Variants in B2M observed in about 807,000 individuals in gnomAD.
B2M encodes beta-2-microglobulin.
B2M carries 3 observed loss-of-function variants against 14.5 expected under a neutral mutation model. The observed-to-expected ratio is 0.21, with a 90% CI of 0.09 to 0.53. B2M has a LOEUF of 0.53. Among genes scored for constraint, B2M ranks in the 20% least tolerant of loss-of-function variants. B2M has a pLI of 0.95. For missense variants in B2M, 107 were observed against 140.8 expected, an observed-to-expected ratio of 0.76 and a Z score of 1.21; for synonymous variants, 45 against 52.7, an observed-to-expected ratio of 0.85 and a Z score of 0.64.
Position 44,717,784 on chromosome 15 carries a change from C to G in B2M, c.*192C>G, listed in dbSNP as rs2086960386. 6.6e-6 allele frequency: 1 copy of G among 152,214 alleles called. No homozygotes were observed. Among genetic ancestry groups the G allele is most frequent in the African/African-American group, 2.4e-5 (1 of 41,428 alleles). The allele number at this position is 152,214 out of a possible 1,614,324, so 9.4% of individuals were successfully genotyped here. On this transcript the variant is annotated 3_prime_UTR_variant, in exon 4 of 4. Coordinates refer to ENST00000648006, the MANE Select transcript of B2M (RefSeq NM_004048.4). ...AGTGCTGTCTCCATGTTTGATGTAT[C>G]TGAGCAGGTTGCTCCACAGGTAGCT...
Position 44,715,626 on chromosome 15 carries a change from A to AC in B2M, c.276dup (p.Thr93HisfsTer2). ...CTATCTCTTGTACTACACTGAATTC[A>AC]CCCCCACTGAAAAAGATGAGTATGC... On this transcript the variant is annotated frameshift_variant, in exon 2 of 4. Transcript: ENST00000648006. LOFTEE classifies it high-confidence loss of function. The AC allele has an allele frequency of 1.2e-6, 2 of 1,614,072 alleles. No individual in the cohort carries two copies. Among genetic ancestry groups the AC allele is most frequent in the Non-Finnish European group, 1.7e-6 (2 of 1,179,994 alleles).
chr15:44,711,913 C>T, intron 1 of B2M: 1 of 559,422 alleles, frequency 1.8e-6, no homozygotes, highest in East Asian at 3.1e-5. Context: ...CGTCAGAGCG[C>T]CGAGGTTGGG....
chr15:44,714,044 T>C (rs140983163), intron 1 of B2M: 21 of 152,344 alleles, frequency 1.4e-4, no homozygotes, highest in African/African-American at 4.3e-4. Flanking sequence ...TCTCTTCATT[T>C]TCAATGAAAA....
In B2M at chr15:44,717,892, A is replaced by G. The variant is rs1279768996; in HGVS notation, c.*300A>G. On this transcript the variant is annotated 3_prime_UTR_variant, in exon 4 of 4. Transcript: ENST00000648006. ...CATCTTGGTCAGATTTGAACTCTTC[A>G]ATCTCTTGCACTCAAAGCTTGTTAA... 6.6e-6 allele frequency: 1 copy of G among 152,208 alleles called. No individual in the cohort carries two copies. The highest frequency in any genetic ancestry group is 6.5e-5 in the Admixed American group (1 of 15,284). The allele number at this position is 152,208 out of a possible 1,614,324, so 9.4% of individuals were successfully genotyped here. A position where few individuals can be genotyped will look rare whatever the true frequency, so the allele number is the denominator to read the frequency against.
In B2M at chr15:44,711,587, C is replaced by G. The variant is rs986783978; in HGVS notation, c.41C>G (p.Ser14Cys). Reference sequence around the variant, plus strand: ...GCCTTAGCTGTGCTCGCGCTACTCTCTCTTTCTGGCCTGGAGGCTATCCAG... The same window carrying G: ...GCCTTAGCTGTGCTCGCGCTACTCTGTCTTTCTGGCCTGGAGGCTATCCAG... ...SVALAVLALL[S>C]LSGLEAIQRT... is the part of the protein sequence containing the mutation. Residue 14 changes from serine (S) to cysteine (C), a missense_variant, in exon 1 of 4, where the codon TCT (serine) becomes TGT (cysteine). Physicochemically the swap from Ser to Cys is moderately radical, Grantham distance 112 (BLOSUM62 -1). Coordinates refer to ENST00000648006, the MANE Select transcript of B2M (RefSeq NM_004048.4). The G allele has an allele frequency of 6.2e-7, 1 of 1,613,816 alleles. No homozygotes were observed. Among genetic ancestry groups the G allele is most frequent in the Non-Finnish European group, 8.5e-7 (1 of 1,180,018 alleles).
At position 44,718,015 on chromosome 15, in the gene B2M, T is replaced by C. The variant is rs1596000746; in HGVS notation, c.*423T>C. On this transcript the variant is annotated 3_prime_UTR_variant, in exon 4 of 4. Coordinates refer to ENST00000648006, the MANE Select transcript of B2M (RefSeq NM_004048.4). ...ATAATTGACAGGATTATTGGAAATTTGTTATAATGAATGAAACATTTTGTC... is the reference window on the plus strand; with the variant it reads ...ATAATTGACAGGATTATTGGAAATTCGTTATAATGAATGAAACATTTTGTC... 2.6e-5 allele frequency: 4 copies of C among 152,368 alleles called. No homozygotes were observed. The highest frequency in any genetic ancestry group is 5.9e-5 in the Non-Finnish European group (4 of 68,042). The allele number at this position is 152,368 out of a possible 1,614,324, so 9.4% of individuals were successfully genotyped here. A position where few individuals can be genotyped will look rare whatever the true frequency, so the allele number is the denominator to read the frequency against.
At chr15:44,716,632 A>G (rs1310341353) in intron 3 of B2M, 1 of 515,104 alleles carries the variant, frequency 1.9e-6, no homozygotes, top group African/African-American at 1.9e-5. Flanking sequence ...GGTTACCCAC[A>G]TTACCTGCAA....
At chr15:44,716,047 G>T in intron 2 of B2M, 1 of 600,674 alleles carries the variant, frequency 1.7e-6, no homozygotes, top group East Asian at 2.8e-5. Context: ...ATTTAGCACT[G>T]AACGAACATC....
intron 2 of B2M, chr15:44,715,997 C>T: frequency 1.7e-6 from 1 of 601,792 alleles, no homozygotes; most frequent in East Asian, 2.8e-5. Flanking sequence ...ACACTTCTTA[C>T]CTACTGGCTT....
chr15:44,716,217 C>A, intron 2 of B2M, 112 bp from the exon 3 acceptor site: 1 of 1,268,184 alleles, frequency 7.9e-7, no homozygotes, highest in Non-Finnish European at 1.1e-6. Context: ...GTAGGAACAG[C>A]AGCCTATTCT....
chr15:44,716,475 G>A, intron 3 of B2M, 119 bp downstream of exon 3: 1 of 1,151,000 alleles, frequency 8.7e-7, no homozygotes, highest in Admixed American at 1.8e-5. Flanking sequence ...CATTTTAGCA[G>A]GGAAAGAAGA....
chr15:44,715,597 C>T lies in B2M; in HGVS notation c.242C>T (p.Ser81Phe), dbSNP rs1329606545. The change falls in exon 2 of 4, where the codon TCT becomes TTT. Residue 81 changes from serine (S) to phenylalanine (F), a missense_variant. By Grantham distance (155) the Ser-to-Phe change is radical. Transcript: ENST00000648006. ...HSDLSFSKDW[S>F]FYLLYYTEFT... ...GACTTGTCTTTCAGCAAGGACTGGTCTTTCTATCTCTTGTACTACACTGAA... is the reference window on the plus strand; with the variant it reads ...GACTTGTCTTTCAGCAAGGACTGGTTTTTCTATCTCTTGTACTACACTGAA... 1 of 1,614,044 alleles carries T rather than the reference C, an allele frequency of 6.2e-7. No homozygotes were observed. Among genetic ancestry groups the T allele is most frequent in the Admixed American group, 1.7e-5 (1 of 60,008 alleles).
chr15:44,715,786 A>G (rs2086934866), intron 2 of B2M, 85 bp downstream of exon 2: 5 of 1,509,012 alleles, frequency 3.3e-6, no homozygotes, highest in South Asian at 1.1e-5. Flanking sequence ...AAAAAGGTCT[A>G]TGGCCATACT....
chr15:44,717,858 C>G lies in B2M; in HGVS notation c.*266C>G, dbSNP rs1349081308. On this transcript the variant is annotated 3_prime_UTR_variant, in exon 4 of 4. Coordinates refer to ENST00000648006, the MANE Select transcript of B2M (RefSeq NM_004048.4). Reference sequence around the variant, plus strand: ...GTGGGGAGCAGAGAATTCTCTTATCCAACATCAACATCTTGGTCAGATTTG... The same window carrying G: ...GTGGGGAGCAGAGAATTCTCTTATCGAACATCAACATCTTGGTCAGATTTG... 1 of 152,190 alleles carries G rather than the reference C, an allele frequency of 6.6e-6. No individual in the cohort carries two copies. The highest frequency in any genetic ancestry group is 2.4e-5 in the African/African-American group (1 of 41,440). The allele number at this position is 152,190 out of a possible 1,614,324, so 9.4% of individuals were successfully genotyped here.
intron 1 of B2M, chr15:44,714,112 T>C (rs758639519): frequency 6.6e-6 from 1 of 152,250 alleles, no homozygotes; most frequent in Non-Finnish European, 1.5e-5. Flanking sequence ...GTCATGCCTC[T>C]CATTTTGGAA....
rs933950076 is a variant in B2M at position 44,715,801 on chromosome 15, T to C, written c.346+100T>C. On this transcript the variant is annotated intron_variant, in intron 2 of 3. Coordinates refer to ENST00000648006, the MANE Select transcript of B2M (RefSeq NM_004048.4). ...AAAAAGGTCTATGGCCATACTACCC[T>C]GAATGAGTCCCATCCCATCTGATAT... 2.2e-6 allele frequency: 3 copies of C among 1,384,532 alleles called. No individual in the cohort carries two copies. The African/African-American group carries it at 4.3e-5, about 20-fold the overall frequency. 85.8% of individuals were successfully genotyped at this position (1,384,532 alleles called of 1,614,324 possible). A position where few individuals can be genotyped will look rare whatever the true frequency, so the allele number is the denominator to read the frequency against.
rs781023342 is a variant in B2M at position 44,715,511 on chromosome 15, A to G, written c.156A>G (p.Pro52=). The G allele has an allele frequency of 6.8e-6, 11 of 1,614,214 alleles. No individual in the cohort carries two copies. Among genetic ancestry groups the G allele is most frequent in the East Asian group, 4.5e-5 (2 of 44,888 alleles). ...ATTGCTATGTGTCTGGGTTTCATCC[A>G]TCCGACATTGAAGTTGACTTACTGA... ...FLNCYVSGFH[P]SDIEVDLLKN... is the part of the protein sequence containing the mutation. The change falls in exon 2 of 4, where the codon CCA becomes CCG. Residue 52 remains proline (P), a synonymous_variant. Transcript: ENST00000648006.
Position 44,715,413 on chromosome 15 carries a change from T to C in B2M, c.68-10T>C, listed in dbSNP as rs2141288465. On this transcript the variant is annotated splice_polypyrimidine_tract_variant and intron_variant, in intron 1 of 3. Coordinates refer to ENST00000648006, the MANE Select transcript of B2M (RefSeq NM_004048.4). Reference sequence around the variant, plus strand: ...GCAATATTAATGTGTCTTTTCCCGATATTCCTCAGGTACTCCAAAGATTCA... The same window carrying C: ...GCAATATTAATGTGTCTTTTCCCGACATTCCTCAGGTACTCCAAAGATTCA... 3.1e-6 allele frequency: 5 copies of C among 1,613,000 alleles called. No individual in the cohort carries two copies. The highest frequency in any genetic ancestry group is 2.2e-5 in the East Asian group (1 of 44,884).
At chr15:44,715,318 G>A (rs2086928542) in intron 1 of B2M, 105 bp from the exon 2 acceptor site, 2 of 1,352,982 alleles carry the variant, frequency 1.5e-6, no homozygotes, top group Non-Finnish European at 2.1e-6. Context: ...GGGAGAAATC[G>A]ATGACCAAAT....
Sources: gnomAD v4.1 joint callset for allele counts on GRCh38, gnomAD v4.1.1 for gene constraint, MANE v1.5 for transcripts, NCBI Gene and HGNC (gene_info 2026-07-23, HGNC 2026-07-21) for gene names.